The following EDA variants were observed in gnomAD, a reference collection of about 807,000 sequenced individuals.
EDA encodes the protein ectodysplasin A.
A neutral mutation model predicts 23.6 loss-of-function variants in EDA; 2 were observed. That is an observed-to-expected ratio of 0.08 (90% CI 0.03 to 0.27). The LOEUF is 0.27. EDA is among the 10% of genes least tolerant of loss of function. The probability of loss-of-function intolerance (pLI) is 1.00; values close to 1 mark genes in which losing one functional copy is unlikely to be tolerated. For synonymous variants in EDA, 131 were observed against 132.0 expected, an observed-to-expected ratio of 0.99 and a Z score of 0.05; for missense variants, 229 against 324.2, an observed-to-expected ratio of 0.71 and a Z score of 2.26.
intron 1 of EDA, among the ~76,000 whole-genome samples, chrX:69,911,568 G>C (rs904739165): frequency 4.5e-5 from 5 of 111,380 alleles, no homozygotes; most frequent in Non-Finnish European, 9.4e-5. Flanking sequence ...AGAGTTACAG[G>C]CACACCTCAG....
intron 1 of EDA, among the ~76,000 whole-genome samples, chrX:69,925,172 A>G (rs1055943062): frequency 3.6e-5 from 4 of 111,454 alleles, no homozygotes; most frequent in Non-Finnish European, 7.5e-5. Flanking sequence ...CCCTGGCCAC[A>G]ACTTCCAAGA....
intron 2 of EDA, among the ~76,000 whole-genome samples, chrX:69,984,014 A>G (rs2019457756): frequency 1.0e-5 from 1 of 96,966 alleles, no homozygotes; most frequent in African/African-American, 3.9e-5. Context: ...CTGCTCCTGA[A>G]TGACTACTGG....
chrX:69,971,715 C>T (rs753676966), intron 2 of EDA, among the ~76,000 whole-genome samples: 1 of 110,274 alleles, frequency 9.1e-6, no homozygotes, highest in Non-Finnish European at 1.9e-5. Context: ...ATTTCTAGGC[C>T]TTTTTCATGT....
chrX:69,664,930 C>A (rs1933632171), intron 1 of EDA, among the ~76,000 whole-genome samples: 1 of 111,950 alleles, frequency 8.9e-6, no homozygotes, highest in African/African-American at 3.2e-5. Flanking sequence ...TCCCTACCAG[C>A]AGTGTACAAG....
chrX:69,756,837 T>C, intron 1 of EDA: 1 of 111,756 alleles, frequency 8.9e-6, no homozygotes, highest in African/African-American at 3.3e-5. Context: ...ACCAGCTAGT[T>C]TATAATACAG....
intron 1 of EDA, among the ~76,000 whole-genome samples, chrX:69,868,387 A>G (rs6625527): frequency 0.084 from 9,428 of 112,005 alleles, 983 homozygotes; most frequent in East Asian, 0.69. Flanking sequence ...TCATGGTTGT[A>G]GGAGGGGCCA....
intron 1 of EDA, among the ~76,000 whole-genome samples, chrX:69,725,197 A>G (rs956725997): frequency 6.3e-5 from 7 of 111,777 alleles, no homozygotes; most frequent in Non-Finnish European, 9.4e-5. Flanking sequence ...AAAAACTTTT[A>G]GACAGAGACA....
chrX:69,885,394 T>C (rs944457205), intron 1 of EDA, among the ~76,000 whole-genome samples: 5 of 111,999 alleles, frequency 4.5e-5, no homozygotes, highest in Non-Finnish European at 9.4e-5. Flanking sequence ...CTACATTCTG[T>C]CTCTAAGAAT....
intron 2 of EDA, chrX:69,957,546 C>A (rs910771180): frequency 1.3e-5 from 2 of 149,330 alleles, no homozygotes; most frequent in African/African-American, 6.4e-5. Context: ...TATATACTGT[C>A]CACCACAGAC....
In EDA at chrX:70,037,641, T is replaced by C. The variant is rs925653322; in HGVS notation, c.*2032T>C. ...AAAGCTGTTCCATTACACCACAGCA[T>C]TGTGTGGAATTTGAGGTCTAGAGAG... On this transcript the variant is annotated 3_prime_UTR_variant, in exon 8 of 8. Transcript: ENST00000374552. The C allele has an allele frequency of 9.0e-6, 1 of 111,043 alleles. No individual in the cohort carries two copies. Among genetic ancestry groups the C allele is most frequent in the Non-Finnish European group, 1.9e-5 (1 of 52,950 alleles). The allele number at this position is 111,043 out of a possible 1,213,427, so 9.2% of individuals were successfully genotyped here.
intron 1 of EDA, among the ~76,000 whole-genome samples, chrX:69,846,538 G>A (rs749334121): frequency 6.3e-5 from 7 of 110,974 alleles, no homozygotes; most frequent in South Asian, 3.9e-4. Flanking sequence ...CAGGTGATCC[G>A]CCCACCTCGG....
Position 69,664,830 on chromosome X carries a change from A to G in EDA, c.396+48126A>G, listed in dbSNP as rs547382865. Among the ~76,000 whole-genome samples the G allele has an allele frequency of 3.6e-5, 4 of 111,947 alleles. No homozygotes were observed. The South Asian group carries it at 1.5e-3, about 42-fold the overall frequency. On this transcript the variant is annotated intron_variant, in intron 1 of 7. Transcript: ENST00000374552. ...GGTGGTGATTTCATTGCTTTTGGGT[A>G]TATGCCCAGAGAGGGTCATATGGTA...
chrX:69,920,172 C>T (rs965755805), intron 1 of EDA, among the ~76,000 whole-genome samples: 42 of 110,322 alleles, frequency 3.8e-4, no homozygotes, highest in African/African-American at 1.3e-3. Context: ...GTCAACATTT[C>T]TCTTAAATAA....
chrX:70,028,853 G>C (rs1337141845), intron 4 of EDA, among the ~76,000 whole-genome samples: 2 of 112,430 alleles, frequency 1.8e-5, no homozygotes, highest in East Asian at 5.6e-4. Context: ...TGTATCTTGG[G>C]GCTTTAAAGA....
intron 1 of EDA, among the ~76,000 whole-genome samples, chrX:69,865,145 G>A (rs1363176801): frequency 9.1e-6 from 1 of 110,486 alleles, no homozygotes; most frequent in Non-Finnish European, 1.9e-5. Flanking sequence ...GCATAAAAAA[G>A]AACTTCAGAG....
intron 1 of EDA, among the ~76,000 whole-genome samples, chrX:69,783,898 A>G (rs1398630563): frequency 2.9e-5 from 3 of 103,345 alleles, no homozygotes; most frequent in South Asian, 4.5e-4. Flanking sequence ...ACTAGTTTAC[A>G]GTCCCACCAA....
intron 1 of EDA, among the ~76,000 whole-genome samples, chrX:69,826,728 T>C (rs1490272920): frequency 9.1e-6 from 1 of 109,948 alleles, no homozygotes; most frequent in Non-Finnish European, 1.9e-5. Context: ...ATGTGTGAAT[T>C]TGATCCTGTC....
intron 1 of EDA, among the ~76,000 whole-genome samples, chrX:69,833,564 A>G (rs1474706087): frequency 2.7e-5 from 3 of 109,982 alleles, no homozygotes; most frequent in East Asian, 5.7e-4. Flanking sequence ...TCATAAAATG[A>G]TTTAGGGAGG....
intron 1 of EDA, among the ~76,000 whole-genome samples, chrX:69,876,177 G>A (rs1022761640): frequency 3.6e-5 from 4 of 111,236 alleles, no homozygotes; most frequent in African/African-American, 1.3e-4. Context: ...CAAAAAAGAT[G>A]CCTGCACACG....
Sources: allele counts gnomAD v4.1 joint callset (sites outside exome capture counted in the v4.1 genomes callset), GRCh38; gene constraint gnomAD v4.1.1; transcripts MANE v1.5; gene names NCBI Gene and HGNC (gene_info 2026-07-23, HGNC 2026-07-21).